VDAC1: variants seen among roughly 807,000 people sequenced by gnomAD.
VDAC1 encodes non-selective voltage-gated ion channel VDAC1.
In VDAC1, 10 loss-of-function variants were observed where a neutral mutation model predicts 34.7. That is an observed-to-expected ratio of 0.29 (90% CI 0.18 to 0.49). The LOEUF is 0.49. Among genes scored for constraint, VDAC1 ranks in the 20% least tolerant of loss-of-function variants. The pLI is 0.99. For missense variants in VDAC1, 230 were observed against 347.9 expected (o/e 0.66, Z 2.69); for synonymous variants, 130 against 136.0 (o/e 0.96, Z 0.30).
the VDAC1 span, among the ~76,000 whole-genome samples, chr5:134,029,721 G>T: frequency 1.3e-5 from 2 of 152,336 alleles, no homozygotes; most frequent in South Asian, 4.1e-4. Context: ...AAAGTAGGGA[G>T]ATAGAAAACA....
At chr5:134,099,059 C>T in the VDAC1 span, among the ~76,000 whole-genome samples, 4 of 152,120 alleles carry the variant, frequency 2.6e-5, no homozygotes, top group Non-Finnish European at 4.4e-5. Context: ...AGAGGAGAAA[C>T]GGAGACTCAT....
intron 3 of VDAC1, 144 bp from the exon 4 acceptor site, chr5:133,991,298 TA>T (rs1753094461): frequency 9.7e-7 from 1 of 1,027,452 alleles, no homozygotes; most frequent in South Asian, 1.6e-5. Flanking sequence ...TTCAAATAGA[TA>T]TTTAAAGTAC....
At chr5:134,024,525 T>C in the VDAC1 span, among the ~76,000 whole-genome samples, 20 of 133,942 alleles carry the variant, frequency 1.5e-4, no homozygotes, top group Admixed American at 1.5e-3. Flanking sequence ...TGAGACCCTG[T>C]CTCAAAAAAA....
chr5:134,076,124 C>T, the VDAC1 span, among the ~76,000 whole-genome samples: 1 of 152,204 alleles, frequency 6.6e-6, no homozygotes, highest in East Asian at 1.9e-4. Flanking sequence ...GGATTATAGG[C>T]ACATGCCACC....
chr5:134,086,121 G>A, the VDAC1 span, among the ~76,000 whole-genome samples: 2 of 152,142 alleles, frequency 1.3e-5, no homozygotes, highest in Non-Finnish European at 2.9e-5. Context: ...ACTTGAACCC[G>A]GGAGGCAGAG....
chr5:134,001,410 T>A (rs1381868428), intron 1 of VDAC1, among the ~76,000 whole-genome samples: 1 of 151,968 alleles, frequency 6.6e-6, no homozygotes, highest in East Asian at 1.9e-4. Flanking sequence ...ATGACGACAA[T>A]CATACTTTTA....
At chr5:133,996,963 T>C (rs1753339952) in intron 1 of VDAC1, among the ~76,000 whole-genome samples, 1 of 152,092 alleles carries the variant, frequency 6.6e-6, no homozygotes, top group Admixed American at 6.5e-5. Flanking sequence ...GGAGACCAAG[T>C]GCCATCAGAA....
the VDAC1 span, among the ~76,000 whole-genome samples, chr5:134,098,504 C>T: frequency 2.0e-5 from 3 of 152,202 alleles, no homozygotes; most frequent in Non-Finnish European, 2.9e-5. Flanking sequence ...GGATTACAGG[C>T]GTGAGCCACC....
the VDAC1 span, among the ~76,000 whole-genome samples, chr5:134,060,877 C>CTTTTTTTT: frequency 2.4e-5 from 1 of 41,292 alleles, no homozygotes; most frequent in South Asian, 6.8e-4. Context: ...TCCTCTTCTT[C>CTTTTTTTT]TTCTTTTTTT....
the VDAC1 span, among the ~76,000 whole-genome samples, chr5:134,033,794 C>A: frequency 1.3e-5 from 2 of 151,764 alleles, no homozygotes; most frequent in Admixed American, 1.3e-4. Flanking sequence ...AGATCGAGAC[C>A]ATCCTGGCTA....
chr5:134,105,572 C>T, the VDAC1 span, among the ~76,000 whole-genome samples: 1 of 152,268 alleles, frequency 6.6e-6, no homozygotes, highest in Non-Finnish European at 1.5e-5. Flanking sequence ...TGGATATCTG[C>T]TCTCTGCCAG....
At chr5:134,101,440 A>AAATTAGCC in the VDAC1 span, among the ~76,000 whole-genome samples, 1 of 151,926 alleles carries the variant, frequency 6.6e-6, no homozygotes, top group Non-Finnish European at 1.5e-5. Flanking sequence ...AAATACAAAA[A>AAATTAGCC]AATTAGCCGG....
At chr5:134,081,834 T>G in the VDAC1 span, 1 of 152,944 alleles carries the variant, frequency 6.5e-6, no homozygotes, top group Non-Finnish European at 1.5e-5. Flanking sequence ...AACAAAAGGC[T>G]TTGGTTGAGA....
chr5:133,982,089 G>C (rs1752718658), intron 5 of VDAC1, among the ~76,000 whole-genome samples: 1 of 152,168 alleles, frequency 6.6e-6, no homozygotes, highest in Non-Finnish European at 1.5e-5. Flanking sequence ...TGGGGTGGAG[G>C]CAAAAGGACT....
chr5:134,073,351 A>G, the VDAC1 span, among the ~76,000 whole-genome samples: 3 of 152,178 alleles, frequency 2.0e-5, no homozygotes, highest in Admixed American at 1.3e-4. Context: ...TAGAAATGCA[A>G]ATTCTCAGGC....
chr5:134,099,886 A>G, the VDAC1 span, among the ~76,000 whole-genome samples: 1 of 152,120 alleles, frequency 6.6e-6, no homozygotes, highest in Non-Finnish European at 1.5e-5. Flanking sequence ...CCTGGCCCCA[A>G]CTACCTTCTT....
At chr5:134,068,334 G>A in the VDAC1 span, among the ~76,000 whole-genome samples, 1 of 144,044 alleles carries the variant, frequency 6.9e-6, no homozygotes. Context: ...ACTCCTATCA[G>A]TTTTTTTTTT....
Position 133,980,709 on chromosome 5 carries a change from C to T in VDAC1, c.551+20G>A. 3 of 1,043,064 alleles carry T rather than the reference C, an allele frequency of 2.9e-6. No homozygotes were observed. The highest frequency in any genetic ancestry group is 4.3e-6 in the Non-Finnish European group (3 of 697,328). The allele number at this position is 1,043,064 out of a possible 1,614,324, so 64.6% of individuals were successfully genotyped here. On this transcript the variant is annotated intron_variant, in intron 6 of 8. Transcript: ENST00000265333. ...CTCCAACCCCACCCCTCCCACCCTGCTGCCCCCATGTACACTTACACATTA... is the reference window on the plus strand; with the variant it reads ...CTCCAACCCCACCCCTCCCACCCTGTTGCCCCCATGTACACTTACACATTA...
intron 1 of VDAC1, among the ~76,000 whole-genome samples, chr5:133,999,570 G>T (rs933475328): frequency 1.3e-5 from 2 of 152,104 alleles, no homozygotes; most frequent in Non-Finnish European, 2.9e-5. Flanking sequence ...GGAGTTTAGG[G>T]AAGAATGAAG....
Sources: gnomAD v4.1 joint callset for allele counts (sites outside exome capture counted in the v4.1 genomes callset) on GRCh38, gnomAD v4.1.1 for gene constraint, MANE v1.5 for transcripts, NCBI Gene and HGNC (gene_info 2026-07-23, HGNC 2026-07-21) for gene names.